PRKAR1B: variants seen among roughly 807,000 people sequenced by gnomAD.
The protein encoded by PRKAR1B is protein kinase cAMP-dependent type I regulatory subunit beta.
A neutral mutation model predicts 46.5 loss-of-function variants in PRKAR1B; 22 were observed. The observed-to-expected ratio is 0.47, with a 90% CI of 0.34 to 0.68. PRKAR1B has a LOEUF of 0.68. Ranked by LOEUF, PRKAR1B falls within the 30% of genes least tolerant of loss-of-function variation. PRKAR1B has a pLI of 0.01. For synonymous variants in PRKAR1B, 259 were observed against 217.7 expected, an observed-to-expected ratio of 1.19 and a Z score of -1.67; for missense variants, 445 against 535.6, an observed-to-expected ratio of 0.83 and a Z score of 1.67.
rs146103682 is a variant in PRKAR1B at position 558,915 on chromosome 7, G to T, written c.892-7445C>A. Among the ~76,000 whole-genome samples, 167 of 152,334 alleles carry T rather than the reference G, an allele frequency of 1.1e-3. 1 individual carries two copies. Among genetic ancestry groups the T allele is most frequent in the African/African-American group, 3.8e-3 (157 of 41,578 alleles). On this transcript the variant is annotated intron_variant, in intron 9 of 10. Coordinates refer to ENST00000537384, the MANE Select transcript of PRKAR1B (RefSeq NM_001164760.2). ...CAGTCGGATCACAGAACTGGGGGCA[G>T]ACGGGGAGACAGGGTCCCTCCCTTT...
intron 1 of PRKAR1B, among the ~76,000 whole-genome samples, chr7:711,969 G>C (rs978490223): frequency 6.6e-6 from 1 of 152,032 alleles, no homozygotes; most frequent in African/African-American, 2.4e-5. Context: ...CCTCAGGGGA[G>C]GGGGAGATGA....
At chr7:687,279 A>C (rs1198300916) in intron 2 of PRKAR1B, among the ~76,000 whole-genome samples, 1 of 152,262 alleles carries the variant, frequency 6.6e-6, no homozygotes, top group African/African-American at 2.4e-5. Flanking sequence ...GATGCAGATC[A>C]TGGAGTTAAT....
At position 579,279 on chromosome 7, in the gene PRKAR1B, C is replaced by T; in HGVS notation, c.868G>A (p.Asp290Asn). 6.2e-7 allele frequency: 1 copy of T among 1,614,120 alleles called. No homozygotes were observed. Among genetic ancestry groups the T allele is most frequent in the Non-Finnish European group, 8.5e-7 (1 of 1,179,994 alleles). ...EKIVVQGEPG[D>N]DFYIITEGTA... is the part of the protein sequence containing the mutation. ...ACCTCCGTGATGATGTAAAAGTCGT[C>T]CCCAGGCTCTCCCTGGACCACAATT... Residue 290 changes from aspartate (D) to asparagine (N), a missense_variant, in exon 9 of 11, where the codon GAC (aspartate) becomes AAC (asparagine). Asp to Asn is a conservative substitution (Grantham distance 23). Coordinates refer to ENST00000537384, the MANE Select transcript of PRKAR1B (RefSeq NM_001164760.2).
chr7:699,182 G>A (rs1040324232), intron 2 of PRKAR1B, among the ~76,000 whole-genome samples: 2 of 152,258 alleles, frequency 1.3e-5, no homozygotes, highest in African/African-American at 4.8e-5. Context: ...TTTGCGCCCA[G>A]CTCCATGACT....
chr7:670,154 C>T (rs1221537746), intron 4 of PRKAR1B, among the ~76,000 whole-genome samples: 1 of 151,998 alleles, frequency 6.6e-6, no homozygotes, highest in African/African-American at 2.4e-5. Flanking sequence ...GGACGTGAGC[C>T]ACCGCGCCCA....
chr7:662,588 C>A (rs566666118), intron 4 of PRKAR1B, among the ~76,000 whole-genome samples: 23 of 148,368 alleles, frequency 1.6e-4, no homozygotes, highest in Admixed American at 5.4e-4. Context: ...TACTCTCCCC[C>A]CCATAGCACA....
At chr7:682,456 A>T (rs944959082) in intron 2 of PRKAR1B, among the ~76,000 whole-genome samples, 6 of 152,198 alleles carry the variant, frequency 3.9e-5, no homozygotes, top group African/African-American at 1.4e-4. Flanking sequence ...ACTCAAAAAA[A>T]ATTTGTTGGC....
At chr7:662,342 C>G (rs529425846) in intron 4 of PRKAR1B, among the ~76,000 whole-genome samples, 10 of 124,870 alleles carry the variant, frequency 8.0e-5, no homozygotes, top group African/African-American at 2.2e-4. Flanking sequence ...TACTCTCCCC[C>G]CCATGGCACA....
chr7:723,148 G>T (rs930127288), intron 1 of PRKAR1B, among the ~76,000 whole-genome samples: 1 of 152,164 alleles, frequency 6.6e-6, no homozygotes, highest in Non-Finnish European at 1.5e-5. Flanking sequence ...CAGATTTCAG[G>T]CTCCTCTGAC....
At chr7:573,383 C>T (rs957732483) in intron 9 of PRKAR1B, among the ~76,000 whole-genome samples, 6 of 152,044 alleles carry the variant, frequency 3.9e-5, no homozygotes, top group Non-Finnish European at 5.9e-5. Flanking sequence ...CCCTGCGCAG[C>T]GCTCTGCTCT....
intron 7 of PRKAR1B, among the ~76,000 whole-genome samples, chr7:587,817 G>A (rs1780684634): frequency 6.6e-6 from 1 of 152,224 alleles, no homozygotes; most frequent in South Asian, 2.1e-4. Context: ...GAGATGGATT[G>A]CTGTGGAAGG....
At chr7:701,293 A>G (rs1005956990) in intron 2 of PRKAR1B, among the ~76,000 whole-genome samples, 9 of 139,748 alleles carry the variant, frequency 6.4e-5, no homozygotes, top group African/African-American at 2.9e-4. Flanking sequence ...AGAGAAAGAA[A>G]GAAAGAAAAA....
intron 3 of PRKAR1B, among the ~76,000 whole-genome samples, chr7:678,116 C>G (rs962385337): frequency 6.6e-6 from 1 of 152,116 alleles, no homozygotes; most frequent in African/African-American, 2.4e-5. Context: ...ACTAAAAATA[C>G]AAAAATTAGC....
chr7:625,418 T>A (rs1006449786), intron 4 of PRKAR1B, among the ~76,000 whole-genome samples: 2 of 152,022 alleles, frequency 1.3e-5, no homozygotes, highest in African/African-American at 4.8e-5. Flanking sequence ...AAGACAGAAA[T>A]AAATGGAATT....
chr7:691,374 AAAAGCAGTGAGATTCC>A (rs1489592017), intron 2 of PRKAR1B, among the ~76,000 whole-genome samples: 1 of 152,234 alleles, frequency 6.6e-6, no homozygotes, highest in Admixed American at 6.5e-5. Context: ...TATCTCCTCT[AAAAGCAGTGAGATTCC>A]AAATCCCCTG....
At position 715,534 on chromosome 7, in the gene PRKAR1B, T is replaced by C. The variant is rs574381944; in HGVS notation, c.-22-4007A>G. Among the ~76,000 whole-genome samples the C allele has an allele frequency of 2.3e-4, 35 of 152,080 alleles. No individual in the cohort carries two copies. The South Asian group carries it at 6.2e-3, about 27-fold the overall frequency. Reference sequence around the variant, plus strand: ...TTACCCATTCAGAAGTCCCAGTAAATCACATATCTTCCCATAGGGAAGGAC... The same window carrying C: ...TTACCCATTCAGAAGTCCCAGTAAACCACATATCTTCCCATAGGGAAGGAC... On this transcript the variant is annotated intron_variant, in intron 1 of 10. Transcript: ENST00000537384.
At position 550,370 on chromosome 7, in the gene PRKAR1B, C is replaced by A. The variant is rs78339681; in HGVS notation, c.*60G>T. 8.8e-3 allele frequency: 13,238 copies of A among 1,510,812 alleles called. 576 individuals are homozygous for A. In the East Asian group the frequency reaches 0.15, roughly 18 times the overall value. The allele number at this position is 1,510,812 out of a possible 1,614,324, so 93.6% of individuals were successfully genotyped here. A position where few individuals can be genotyped will look rare whatever the true frequency, so the allele number is the denominator to read the frequency against. ...CACAGCGGCTCCCGGGCCCCCGACA[C>A]AGACGAGCAGGGCACGGCCACCACA... On this transcript the variant is annotated 3_prime_UTR_variant, in exon 11 of 11. Transcript: ENST00000537384.
intron 2 of PRKAR1B, 96 bp from the exon 3 acceptor site, chr7:680,822 C>G (rs1385693551): frequency 4.3e-6 from 6 of 1,404,680 alleles, no homozygotes; most frequent in Non-Finnish European, 5.9e-6. Flanking sequence ...TGTGGGAGGA[C>G]TAGTGGGAGG....
chr7:610,147 G>A (rs1038743974), intron 4 of PRKAR1B, among the ~76,000 whole-genome samples: 4 of 152,204 alleles, frequency 2.6e-5, no homozygotes, highest in African/African-American at 9.6e-5. Context: ...GGGCCACGAT[G>A]GACATGACAG....
Sources: allele counts gnomAD v4.1 joint callset (sites outside exome capture counted in the v4.1 genomes callset), GRCh38; gene constraint gnomAD v4.1.1; transcripts MANE v1.5; gene names NCBI Gene and HGNC (gene_info 2026-07-23, HGNC 2026-07-21).